Variants in FHIT observed in about 807,000 individuals in gnomAD.
FHIT encodes bis(5'-adenosyl)-triphosphatase.
A neutral mutation model predicts 17.9 loss-of-function variants in FHIT; 19 were observed. The observed-to-expected ratio is 1.06, with a 90% CI of 0.74 to 1.56. The LOEUF is 1.56. Ranked by LOEUF, FHIT falls within the 40% of genes most tolerant of loss-of-function variation. The probability of loss-of-function intolerance (pLI) is 0.00; values close to 1 mark genes in which losing one functional copy is unlikely to be tolerated. For missense variants in FHIT, 248 were observed against 189.2 expected (o/e 1.31, Z -1.82); for synonymous variants, 81 against 69.7 (o/e 1.16, Z -0.81).
chr3:61,027,055 T>C (rs2032769164), intron 3 of FHIT, among the ~76,000 whole-genome samples: 1 of 152,040 alleles, frequency 6.6e-6, no homozygotes, highest in East Asian at 1.9e-4. Flanking sequence ...ATATTTTAAA[T>C]AAATAAATAT....
intron 3 of FHIT, among the ~76,000 whole-genome samples, chr3:60,973,943 C>G (rs997355324): frequency 6.6e-6 from 1 of 152,154 alleles, no homozygotes; most frequent in Non-Finnish European, 1.5e-5. Context: ...AAAAATAGCA[C>G]CTGCATTCTG....
chr3:60,033,823 A>T (rs1474271430), intron 5 of FHIT, among the ~76,000 whole-genome samples: 1 of 152,184 alleles, frequency 6.6e-6, no homozygotes, highest in Non-Finnish European at 1.5e-5. Context: ...TGACCAACAC[A>T]TAGTAAACAT....
chr3:60,504,663 A>C (rs2034658007), intron 5 of FHIT, among the ~76,000 whole-genome samples: 1 of 152,144 alleles, frequency 6.6e-6, no homozygotes, highest in Admixed American at 6.5e-5. Context: ...CCAAAGGAGA[A>C]AGTGATTAAC....
At chr3:61,072,576 C>T (rs775106538) in intron 2 of FHIT, among the ~76,000 whole-genome samples, 65 of 152,184 alleles carry the variant, frequency 4.3e-4, no homozygotes, top group Admixed American at 1.7e-3. Flanking sequence ...GAGGACAAGC[C>T]TGCAAAGAAA....
intron 5 of FHIT, among the ~76,000 whole-genome samples, chr3:60,218,987 T>A (rs541149132): frequency 7.9e-5 from 12 of 152,262 alleles, no homozygotes; most frequent in Admixed American, 2.0e-4. Flanking sequence ...TCCTAGAACT[T>A]CTTCAAAGGC....
chr3:60,599,732 A>C (rs921623246), intron 4 of FHIT, among the ~76,000 whole-genome samples: 6 of 151,958 alleles, frequency 3.9e-5, no homozygotes, highest in African/African-American at 1.4e-4. Context: ...TAATGGTACC[A>C]GCACATACAC....
intron 5 of FHIT, among the ~76,000 whole-genome samples, chr3:60,524,122 G>A (rs1480997465): frequency 1.3e-5 from 2 of 151,514 alleles, no homozygotes; most frequent in Non-Finnish European, 2.9e-5. Context: ...CCCTGCCCAG[G>A]CAGAGGAGAT....
chr3:59,975,366 T>C (rs1559512425), intron 7 of FHIT, among the ~76,000 whole-genome samples: 1 of 152,058 alleles, frequency 6.6e-6, no homozygotes, highest in Non-Finnish European at 1.5e-5. Context: ...AAAAGGGAGA[T>C]GATAAAAAGG....
At chr3:59,969,292 C>T (rs1378428416) in intron 7 of FHIT, among the ~76,000 whole-genome samples, 2 of 152,066 alleles carry the variant, frequency 1.3e-5, no homozygotes, top group African/African-American at 4.8e-5. Context: ...ACATTCTAAG[C>T]AATTGTTCAG....
At chr3:60,393,083 C>A (rs1374745514) in intron 5 of FHIT, among the ~76,000 whole-genome samples, 1 of 151,918 alleles carries the variant, frequency 6.6e-6, no homozygotes, top group East Asian at 1.9e-4. Flanking sequence ...CTTTACAGTC[C>A]CGATTTGGCC....
chr3:60,063,653 G>C (rs112168606), intron 5 of FHIT, among the ~76,000 whole-genome samples: 3,497 of 152,264 alleles, frequency 0.023, 53 homozygotes, highest in Non-Finnish European at 0.033. Flanking sequence ...AACATTTCTT[G>C]CATATCCAGC....
intron 5 of FHIT, among the ~76,000 whole-genome samples, chr3:60,394,960 G>A (rs978048544): frequency 6.6e-5 from 10 of 152,180 alleles, no homozygotes; most frequent in Non-Finnish European, 1.0e-4. Flanking sequence ...GGGGAAAAGA[G>A]CTATACAGAA....
At chr3:60,769,398 C>T (rs1553722428) in intron 4 of FHIT, among the ~76,000 whole-genome samples, 2 of 152,162 alleles carry the variant, frequency 1.3e-5, no homozygotes, top group East Asian at 3.9e-4. Flanking sequence ...ATTTTGCTTT[C>T]CTTACCAGGA....
At chr3:60,702,977 C>T (rs2041283928) in intron 4 of FHIT, among the ~76,000 whole-genome samples, 1 of 152,058 alleles carries the variant, frequency 6.6e-6, no homozygotes, top group Admixed American at 6.6e-5. Flanking sequence ...TACAGTCCTC[C>T]ATAATTTATA....
chr3:60,768,603 G>C (rs560823398), intron 4 of FHIT, among the ~76,000 whole-genome samples: 1 of 152,266 alleles, frequency 6.6e-6, no homozygotes, highest in East Asian at 1.9e-4. Flanking sequence ...TTAGTTTTTT[G>C]ATTCAGTGAA....
At chr3:61,051,253 T>TTGTC (rs569892659) in intron 2 of FHIT, among the ~76,000 whole-genome samples, 2 of 111,062 alleles carry the variant, frequency 1.8e-5, no homozygotes, top group African/African-American at 7.5e-5. Context: ...CTATCTCTGT[T>TTGTC]TGTTTGTTTG....
At chr3:60,868,543 T>C (rs1201308432) in intron 3 of FHIT, among the ~76,000 whole-genome samples, 4 of 152,176 alleles carry the variant, frequency 2.6e-5, no homozygotes, top group South Asian at 2.1e-4. Flanking sequence ...CCCTTTCTCA[T>C]ACAATCAGAG....
chr3:61,137,237 T>C (rs2036941877), intron 2 of FHIT, among the ~76,000 whole-genome samples: 1 of 151,302 alleles, frequency 6.6e-6, no homozygotes, highest in South Asian at 2.1e-4. Flanking sequence ...GTTTGCCTTT[T>C]CTAAAACGTA....
At chr3:60,895,033 T>G (rs1373808550) in intron 3 of FHIT, among the ~76,000 whole-genome samples, 1 of 152,166 alleles carries the variant, frequency 6.6e-6, no homozygotes, top group African/African-American at 2.4e-5. Flanking sequence ...CAATCCCGAG[T>G]GTCCTGTATG....
Sources: allele counts gnomAD v4.1 joint callset (sites outside exome capture counted in the v4.1 genomes callset), GRCh38; gene constraint gnomAD v4.1.1; transcripts MANE v1.5; gene names NCBI Gene and HGNC (gene_info 2026-07-23, HGNC 2026-07-21).